Variants in RAC1 observed in about 807,000 individuals in gnomAD.
The protein encoded by RAC1 is Rac family small GTPase 1.
A neutral mutation model predicts 25.2 loss-of-function variants in RAC1; 2 were observed. That is an observed-to-expected ratio of 0.08 (90% CI 0.03 to 0.25). The LOEUF (loss-of-function observed/expected upper bound fraction) is 0.25, where lower values mean the gene tolerates loss of function less well. Ranked by LOEUF, RAC1 falls within the 10% of genes least tolerant of loss-of-function variation. The probability of loss-of-function intolerance (pLI) is 1.00; values close to 1 mark genes in which losing one functional copy is unlikely to be tolerated. For synonymous variants in RAC1, 88 were observed against 94.0 expected, an observed-to-expected ratio of 0.94 and a Z score of 0.37; for missense variants, 50 against 235.7, an observed-to-expected ratio of 0.21 and a Z score of 5.16.
At chr7:6,395,712 G>A (rs551272157) in intron 3 of RAC1, among the ~76,000 whole-genome samples, 35 of 152,142 alleles carry the variant, frequency 2.3e-4, no homozygotes, top group Middle Eastern at 6.8e-3. Flanking sequence ...CCACCAGGGC[G>A]AAGCTGCGAG....
At chr7:6,383,896 G>T (rs577360993) in intron 1 of RAC1, among the ~76,000 whole-genome samples, 1 of 138,264 alleles carries the variant, frequency 7.2e-6, no homozygotes, top group African/African-American at 2.7e-5. Flanking sequence ...TCCGCCTCCC[G>T]GGTTCAAGCG....
intron 1 of RAC1, among the ~76,000 whole-genome samples, chr7:6,381,989 A>G (rs1008265876): frequency 2.0e-5 from 3 of 152,104 alleles, no homozygotes; most frequent in Admixed American, 1.3e-4. Context: ...CTTAAGATCT[A>G]CATACTTTTT....
chr7:6,387,316 G>T, intron 2 of RAC1, 33 bp downstream of exon 2: 1 of 1,398,456 alleles, frequency 7.2e-7, no homozygotes, highest in Non-Finnish European at 9.9e-7. Context: ...TAACCTGTTT[G>T]TGTTACGGGT....
chr7:6,400,576 T>G (rs1054449070), intron 4 of RAC1, among the ~76,000 whole-genome samples: 21 of 152,228 alleles, frequency 1.4e-4, no homozygotes, highest in African/African-American at 4.8e-4. Context: ...TCTTTCAGCT[T>G]CAGCCTCCCA....
chr7:6,403,129 C>A lies in RAC1; in HGVS notation c.*683C>A, dbSNP rs774560309. 37 of 213,800 alleles carry A rather than the reference C, an allele frequency of 1.7e-4. No individual in the cohort carries two copies. Among genetic ancestry groups the A allele is most frequent in the Non-Finnish European group, 3.0e-4 (32 of 105,712 alleles). The allele number at this position is 213,800 out of a possible 1,614,324, so 13.2% of individuals were successfully genotyped here. A position where few individuals can be genotyped will look rare whatever the true frequency, so the allele number is the denominator to read the frequency against. On this transcript the variant is annotated 3_prime_UTR_variant, in exon 6 of 6. Transcript: ENST00000348035. The stretch of plus-strand genomic sequence containing the variant: ...GAATTCTGTTTAGCTGTGGGTGTGC[C>A]GGGTGGGGTGTGTGTGATCAAAGGA...
intron 3 of RAC1, among the ~76,000 whole-genome samples, chr7:6,395,589 G>C (rs1880118): frequency 0.17 from 25,629 of 152,192 alleles, 2,509 homozygotes; most frequent in East Asian, 0.23. Flanking sequence ...AAACGATTAT[G>C]AGTTGTTTTT....
chr7:6,389,927 T>C (rs898916717), intron 2 of RAC1, among the ~76,000 whole-genome samples: 4 of 150,674 alleles, frequency 2.7e-5, no homozygotes. Context: ...GAACATTTCC[T>C]TCCTTCCTTC....
At chr7:6,376,263 A>G (rs1396089315) in intron 1 of RAC1, among the ~76,000 whole-genome samples, 1 of 133,818 alleles carries the variant, frequency 7.5e-6, no homozygotes, top group Non-Finnish European at 1.5e-5. Flanking sequence ...GCTCACTACA[A>G]CCTCCGCCTC....
intron 2 of RAC1, among the ~76,000 whole-genome samples, chr7:6,387,664 G>T (rs1782960166): frequency 6.6e-6 from 1 of 151,992 alleles, no homozygotes; most frequent in Admixed American, 6.6e-5. Flanking sequence ...GGCGGAGGTT[G>T]CAGTGAGCCA....
Position 6,401,985 on chromosome 7 carries a change from C to T in RAC1, c.406C>T (p.Pro136Ser). 5.6e-6 allele frequency: 9 copies of T among 1,614,124 alleles called. No individual in the cohort carries two copies. Among genetic ancestry groups the T allele is most frequent in the Non-Finnish European group, 7.6e-6 (9 of 1,179,998 alleles). ...IEKLKEKKLT[P>S]ITYPQGLAMA... ...GAAACTGAAGGAGAAGAAGCTGACTCCCATCACCTATCCGCAGGGTCTAGC... is the reference window on the plus strand; with the variant it reads ...GAAACTGAAGGAGAAGAAGCTGACTTCCATCACCTATCCGCAGGGTCTAGC... Residue 136 changes from proline (P) to serine (S), a missense_variant, in exon 5 of 6, where the codon CCC (proline) becomes TCC (serine). By Grantham distance (74) the Pro-to-Ser change is moderately conservative. Coordinates refer to ENST00000348035, the MANE Select transcript of RAC1 (RefSeq NM_006908.5).
chr7:6,386,788 C>CAAAAAAAAAAAAAAAAA (rs71008388), intron 1 of RAC1, among the ~76,000 whole-genome samples: 2 of 88,156 alleles, frequency 2.3e-5, no homozygotes, highest in Admixed American at 2.4e-4. Flanking sequence ...GACTCGGTCT[C>CAAAAAAAAAAAAAAAAA]AAAAAAAAAA....
chr7:6,384,803 A>T (rs1782876438), intron 1 of RAC1, among the ~76,000 whole-genome samples: 3 of 151,900 alleles, frequency 2.0e-5, no homozygotes, highest in Admixed American at 6.6e-5. Context: ...TTTTTAATTT[A>T]AAAAAATTTA....
At chr7:6,375,595 C>G (rs1032315525) in intron 1 of RAC1, among the ~76,000 whole-genome samples, 4 of 151,944 alleles carry the variant, frequency 2.6e-5, no homozygotes, top group African/African-American at 4.8e-5. Context: ...TCGCCCTTTC[C>G]GTGGAGAAAG....
At position 6,383,884 on chromosome 7, in the gene RAC1, C is replaced by G. The variant is rs184345425; in HGVS notation, c.36-3328C>G. Among the ~76,000 whole-genome samples the G allele has an allele frequency of 6.6e-3, 881 of 133,494 alleles. 7 individuals are homozygous for G. The highest frequency in any genetic ancestry group is 9.9e-3 in the Non-Finnish European group (641 of 64,440). 87.6% of individuals were successfully genotyped at this position (133,494 alleles called of 152,430 possible). ...ATGGCGCAATCTCGGCTCACTGCAA[C>G]TTCCGCCTCCCGGGTTCAAGCGACT... On this transcript the variant is annotated intron_variant, in intron 1 of 5. Transcript: ENST00000348035.
At chr7:6,382,685 A>G (rs1782803686) in intron 1 of RAC1, among the ~76,000 whole-genome samples, 1 of 152,214 alleles carries the variant, frequency 6.6e-6, no homozygotes, top group Non-Finnish European at 1.5e-5. Context: ...CAACATGGCA[A>G]AACCCTGTCT....
intron 1 of RAC1, among the ~76,000 whole-genome samples, chr7:6,384,558 G>A (rs923941493): frequency 6.6e-6 from 1 of 152,100 alleles, no homozygotes; most frequent in Non-Finnish European, 1.5e-5. Context: ...GCTCACTGCT[G>A]CCCTGAATTC....
At chr7:6,388,772 A>C (rs1363124263) in intron 2 of RAC1, among the ~76,000 whole-genome samples, 5 of 152,130 alleles carry the variant, frequency 3.3e-5, no homozygotes, top group Non-Finnish European at 7.3e-5. Flanking sequence ...AACTGATTTA[A>C]CCCACTGGTC....
intron 1 of RAC1, among the ~76,000 whole-genome samples, chr7:6,386,232 T>G (rs778481400): frequency 6.6e-6 from 1 of 152,192 alleles, no homozygotes; most frequent in Non-Finnish European, 1.5e-5. Context: ...TGTATTGTGA[T>G]AGTCCCTGCT....
chr7:6,379,261 C>T (rs986127470), intron 1 of RAC1, among the ~76,000 whole-genome samples: 10 of 141,446 alleles, frequency 7.1e-5, no homozygotes, highest in African/African-American at 1.0e-4. Context: ...GCTACCATGC[C>T]GAGGTAATTT....
Sources: gnomAD v4.1 joint callset for allele counts (sites outside exome capture counted in the v4.1 genomes callset) on GRCh38, gnomAD v4.1.1 for gene constraint, MANE v1.5 for transcripts, NCBI Gene and HGNC (gene_info 2026-07-23, HGNC 2026-07-21) for gene names.